The following P2RY6 variants were observed in gnomAD, a reference collection of about 807,000 sequenced individuals.
P2RY6 encodes the protein pyrimidinergic receptor P2Y6.
P2RY6 carries 19 observed loss-of-function variants against 16.3 expected under a neutral mutation model. That is an observed-to-expected ratio of 1.16 (90% CI 0.81 to 1.71). P2RY6 has a LOEUF of 1.71. P2RY6 is among the 40% of genes most tolerant of loss of function. The pLI is 0.00. For synonymous variants in P2RY6, 184 were observed against 201.5 expected (o/e 0.91, Z 0.74); for missense variants, 389 against 455.5 (o/e 0.85, Z 1.33).
intron 1 of P2RY6, chr11:73,289,402 C>A (rs550947654): frequency 6.6e-6 from 1 of 152,320 alleles, no homozygotes; most frequent in East Asian, 1.9e-4. Flanking sequence ...GTCCCTGCCA[C>A]GTCCCCAGTG....
chr11:73,295,006 G>T (rs1211568950), intron 1 of P2RY6, among the ~76,000 whole-genome samples: 1 of 152,180 alleles, frequency 6.6e-6, no homozygotes. Flanking sequence ...GAGTGCATTT[G>T]CAGGACTTCA....
At chr11:73,287,486 C>G (rs752316568) in intron 1 of P2RY6, among the ~76,000 whole-genome samples, 1 of 152,190 alleles carries the variant, frequency 6.6e-6, no homozygotes, top group Non-Finnish European at 1.5e-5. Context: ...CAGAGGGCAG[C>G]GTCGTCATCA....
chr11:73,272,598 G>C (rs955808631), intron 1 of P2RY6, 132 bp downstream of exon 1: 1 of 733,100 alleles, frequency 1.4e-6, no homozygotes, highest in African/African-American at 1.9e-5. Flanking sequence ...GCAGGCACTG[G>C]GGTCCTCCTC....
At chr11:73,292,921 G>A (rs1349730874) in intron 1 of P2RY6, 45 of 980,304 alleles carry the variant, frequency 4.6e-5, no homozygotes, top group Non-Finnish European at 5.1e-5. Flanking sequence ...GAGGCTGCCT[G>A]TGAGTGTCAG....
chr11:73,284,850 G>A (rs1357185489), intron 1 of P2RY6, among the ~76,000 whole-genome samples: 1 of 152,098 alleles, frequency 6.6e-6, no homozygotes, highest in Non-Finnish European at 1.5e-5. Flanking sequence ...CCCCTGCCCT[G>A]GTGGAGTTTA....
intron 1 of P2RY6, among the ~76,000 whole-genome samples, chr11:73,281,705 C>T (rs765060253): frequency 7.2e-5 from 11 of 152,244 alleles, no homozygotes; most frequent in Admixed American, 1.3e-4. Flanking sequence ...GGTACTCTGT[C>T]TCCCACAGCT....
chr11:73,294,259 A>C (rs1257884786), intron 1 of P2RY6, among the ~76,000 whole-genome samples: 2 of 152,180 alleles, frequency 1.3e-5, no homozygotes, highest in Non-Finnish European at 2.9e-5. Context: ...CTCTTCCATC[A>C]GGTGGCTCAC....
chr11:73,276,923 C>T (rs1336106734), intron 1 of P2RY6, among the ~76,000 whole-genome samples: 3 of 152,098 alleles, frequency 2.0e-5, no homozygotes, highest in Non-Finnish European at 2.9e-5. Flanking sequence ...TACATAGAAG[C>T]TTGAGATGAA....
chr11:73,279,469 G>A (rs60950530), intron 1 of P2RY6, among the ~76,000 whole-genome samples: 136 of 152,290 alleles, frequency 8.9e-4, no homozygotes, highest in African/African-American at 3.1e-3. Context: ...AGATACAAAT[G>A]CAACTAGCTT....
intron 1 of P2RY6, among the ~76,000 whole-genome samples, chr11:73,289,691 C>T (rs755802379): frequency 4.6e-5 from 7 of 152,212 alleles, no homozygotes; most frequent in South Asian, 2.1e-4. Context: ...AGACCTAACT[C>T]CCCTGGGAAT....
Position 73,297,730 on chromosome 11 carries a change from G to T in P2RY6, c.*225G>T, listed in dbSNP as rs1864573517. The T allele has an allele frequency of 1.7e-6, 1 of 578,990 alleles. No individual in the cohort carries two copies. Among genetic ancestry groups the T allele is most frequent in the African/African-American group, 1.9e-5 (1 of 53,468 alleles). 35.9% of individuals were successfully genotyped at this position (578,990 alleles called of 1,614,324 possible). A position where few individuals can be genotyped will look rare whatever the true frequency, so the allele number is the denominator to read the frequency against. On this transcript the variant is annotated 3_prime_UTR_variant, in exon 3 of 3. Transcript: ENST00000540124. ...ACAGACCTGGGCCTGGCTCTTGAGA[G>T]GTCCCAGTCAGCCATGGAGAGCTGG... is the stretch of plus-strand genomic sequence containing the variant.
At chr11:73,266,697 G>A (rs1316533900) in intron 1 of P2RY6, among the ~76,000 whole-genome samples, 1 of 152,242 alleles carries the variant, frequency 6.6e-6, no homozygotes, top group Non-Finnish European at 1.5e-5. Context: ...GACATAAAAG[G>A]CAGTGTTGGG....
chr11:73,290,366 G>GA (rs1565170854), intron 1 of P2RY6, among the ~76,000 whole-genome samples: 1 of 85,622 alleles, frequency 1.2e-5, no homozygotes, highest in African/African-American at 5.4e-5. Flanking sequence ...AAAGAAAGAA[G>GA]GAAAGAAAGA....
chr11:73,287,505 G>T (rs896026461), intron 1 of P2RY6, among the ~76,000 whole-genome samples: 31 of 152,310 alleles, frequency 2.0e-4, no homozygotes, highest in African/African-American at 7.5e-4. Flanking sequence ...CATAAGAGGG[G>T]GTCTGGGAAC....
intron 1 of P2RY6, among the ~76,000 whole-genome samples, chr11:73,287,077 C>G (rs1220217861): frequency 6.6e-6 from 1 of 152,200 alleles, no homozygotes; most frequent in Non-Finnish European, 1.5e-5. Flanking sequence ...TCAGGCACAG[C>G]TGAAACCAGG....
intron 1 of P2RY6, among the ~76,000 whole-genome samples, chr11:73,289,184 C>T (rs1282586115): frequency 3.3e-5 from 5 of 152,264 alleles, no homozygotes; most frequent in African/African-American, 7.2e-5. Flanking sequence ...GTCATTTCTT[C>T]CTATGTCCAT....
intron 1 of P2RY6, 35 bp from the exon 2 acceptor site, chr11:73,295,695 G>A: frequency 1.2e-6 from 1 of 862,530 alleles, no homozygotes; most frequent in Non-Finnish European, 1.4e-6. Context: ...GAAGCCTTGG[G>A]GAACTGGGTA....
At chr11:73,289,518 G>A (rs1204812775) in intron 1 of P2RY6, 2 of 152,420 alleles carry the variant, frequency 1.3e-5, no homozygotes, top group Non-Finnish European at 2.9e-5. Flanking sequence ...AAGAGGAACT[G>A]AGACTGGAAA....
At chr11:73,285,862 TG>T (rs1435333946) in intron 1 of P2RY6, among the ~76,000 whole-genome samples, 2 of 152,178 alleles carry the variant, frequency 1.3e-5, no homozygotes, top group Non-Finnish European at 2.9e-5. Context: ...AATAGATGGA[TG>T]GTCTTGGGAC....
Sources: allele counts gnomAD v4.1 joint callset (sites outside exome capture counted in the v4.1 genomes callset), GRCh38; gene constraint gnomAD v4.1.1; transcripts MANE v1.5; gene names NCBI Gene and HGNC (gene_info 2026-07-23, HGNC 2026-07-21).